Variants in FGF12 observed in about 807,000 individuals in gnomAD.
FGF12 encodes the protein fibroblast growth factor 12B.
A neutral mutation model predicts 23.6 loss-of-function variants in FGF12; 14 were observed. The ratio of observed to expected loss-of-function variants is 0.59; its 90% confidence interval spans 0.39 to 0.93. The LOEUF (loss-of-function observed/expected upper bound fraction) is 0.93, where lower values mean the gene tolerates loss of function less well. Among genes scored for constraint, FGF12 ranks in the 40% least tolerant of loss-of-function variants. The pLI is 0.00. For synonymous variants in FGF12, 62 were observed against 77.3 expected, an observed-to-expected ratio of 0.80 and a Z score of 1.04; for missense variants, 175 against 217.8, an observed-to-expected ratio of 0.80 and a Z score of 1.24.
chr3:192,726,908 A>G, intron 2 of FGF12: 1 of 525,794 alleles, frequency 1.9e-6, no homozygotes, highest in Non-Finnish European at 3.4e-6. Flanking sequence ...CTCCTCCTCC[A>G]TTTTGGGGGG....
chr3:192,634,479 A>C (rs191738428), intron 2 of FGF12, among the ~76,000 whole-genome samples: 182 of 152,344 alleles, frequency 1.2e-3, no homozygotes, highest in Non-Finnish European at 2.4e-4. Context: ...ACCATTTTAC[A>C]TAAAGGACTT....
intron 4 of FGF12, among the ~76,000 whole-genome samples, chr3:192,276,862 C>A (rs924755976): frequency 1.3e-5 from 2 of 152,162 alleles, no homozygotes; most frequent in East Asian, 1.9e-4. Context: ...GAAAGGAATA[C>A]GTACTCAGAA....
chr3:192,456,344 T>G (rs1486330255), intron 2 of FGF12, among the ~76,000 whole-genome samples: 1 of 152,238 alleles, frequency 6.6e-6, no homozygotes, highest in East Asian at 1.9e-4. Context: ...AGAGGTCATC[T>G]GAGACTTAGA....
chr3:192,324,490 C>T (rs1363428221), intron 4 of FGF12, among the ~76,000 whole-genome samples: 2 of 152,188 alleles, frequency 1.3e-5, no homozygotes, highest in East Asian at 1.9e-4. Flanking sequence ...ATATACACTG[C>T]CCTAGGGCTT....
intron 5 of FGF12, among the ~76,000 whole-genome samples, chr3:192,147,140 A>T (rs1307103182): frequency 6.6e-6 from 1 of 152,228 alleles, no homozygotes; most frequent in South Asian, 2.1e-4. Context: ...AACTAAAGTT[A>T]TTCTAGAAAC....
intron 2 of FGF12, among the ~76,000 whole-genome samples, chr3:192,712,252 C>A (rs922029372): frequency 2.6e-5 from 4 of 151,060 alleles, no homozygotes; most frequent in Non-Finnish European, 5.9e-5. Context: ...AGTAAGATTT[C>A]CAGAATACCA....
chr3:192,275,585 A>T (rs1405451929), intron 4 of FGF12, among the ~76,000 whole-genome samples: 1 of 152,202 alleles, frequency 6.6e-6, no homozygotes, highest in African/African-American at 2.4e-5. Flanking sequence ...GGTTTTGTGA[A>T]GGTGGTGTTT....
rs1560164606 is a variant in FGF12 at position 192,142,963 on chromosome 3, C to T, written c.*1046G>A. 1 of 151,998 alleles carries T rather than the reference C, an allele frequency of 6.6e-6. No individual in the cohort carries two copies. The highest frequency in any genetic ancestry group is 1.5e-5 in the Non-Finnish European group (1 of 67,944). 9.4% of individuals were successfully genotyped at this position (151,998 alleles called of 1,614,324 possible). On this transcript the variant is annotated 3_prime_UTR_variant, in exon 6 of 6. Coordinates refer to ENST00000445105, the MANE Select transcript of FGF12 (RefSeq NM_004113.6). ...CAAACGCAAATGCAATTTGCGTTGA[C>T]TAATTTCCTAGGACTTATTTCCTTA...
chr3:192,200,272 T>G (rs1238003415), intron 4 of FGF12, among the ~76,000 whole-genome samples: 1 of 151,692 alleles, frequency 6.6e-6, no homozygotes, highest in Non-Finnish European at 1.5e-5. Context: ...GAAGTTGCAG[T>G]GAGCCGAGAT....
At chr3:192,667,610 A>AC (rs1379158039) in intron 2 of FGF12, among the ~76,000 whole-genome samples, 1 of 40,734 alleles carries the variant, frequency 2.5e-5, no homozygotes, top group African/African-American at 1.2e-4. Flanking sequence ...GACTCCGTAA[A>AC]AAAAAAAAAA....
chr3:192,460,986 G>A (rs1449496242), intron 2 of FGF12, among the ~76,000 whole-genome samples: 2 of 151,940 alleles, frequency 1.3e-5, no homozygotes, highest in African/African-American at 2.4e-5. Flanking sequence ...ATGTGGTATG[G>A]CTCACAGTTT....
At chr3:192,403,695 T>G (rs1720851711) in intron 2 of FGF12, among the ~76,000 whole-genome samples, 1 of 152,122 alleles carries the variant, frequency 6.6e-6, no homozygotes, top group Admixed American at 6.5e-5. Context: ...AAATCTATTC[T>G]TGACCCATAT....
At chr3:192,188,793 G>C (rs960927820) in intron 4 of FGF12, among the ~76,000 whole-genome samples, 1 of 152,178 alleles carries the variant, frequency 6.6e-6, no homozygotes, top group African/African-American at 2.4e-5. Flanking sequence ...TCTGTTAGAA[G>C]ACAAAGCCAT....
intron 4 of FGF12, among the ~76,000 whole-genome samples, chr3:192,199,394 A>C (rs1717243107): frequency 6.6e-6 from 1 of 152,210 alleles, no homozygotes; most frequent in Non-Finnish European, 1.5e-5. Flanking sequence ...AACAGTTCAG[A>C]TCAGATGTCC....
chr3:192,145,373 A>G (rs555190698), intron 5 of FGF12, among the ~76,000 whole-genome samples: 107 of 152,354 alleles, frequency 7.0e-4, no homozygotes, highest in Non-Finnish European at 1.2e-3. Flanking sequence ...TTAGAATACA[A>G]GTGAGAGTCT....
At chr3:192,727,082 A>G in intron 2 of FGF12, 99 bp downstream of exon 2, 1 of 1,431,990 alleles carries the variant, frequency 7.0e-7, no homozygotes, top group Non-Finnish European at 9.6e-7. Context: ...TCGACCTAGT[A>G]TGATGCTCGC....
At chr3:192,319,828 G>A (rs1716439358) in intron 4 of FGF12, among the ~76,000 whole-genome samples, 1 of 151,422 alleles carries the variant, frequency 6.6e-6, no homozygotes, top group African/African-American at 2.4e-5. Flanking sequence ...GTAACCTCAA[G>A]ACAAAAATCA....
intron 2 of FGF12, among the ~76,000 whole-genome samples, chr3:192,647,309 A>G (rs1012388346): frequency 6.6e-6 from 1 of 152,060 alleles, no homozygotes; most frequent in African/African-American, 2.4e-5. Flanking sequence ...GTTCTATCTC[A>G]CATAAAATAT....
chr3:192,687,519 T>C (rs966963968), intron 2 of FGF12, among the ~76,000 whole-genome samples: 6 of 152,094 alleles, frequency 3.9e-5, no homozygotes, highest in African/African-American at 1.4e-4. Flanking sequence ...AAAGTCAGAA[T>C]TGGGTTGGCC....
Sources: gnomAD v4.1 joint callset for allele counts (sites outside exome capture counted in the v4.1 genomes callset) on GRCh38, gnomAD v4.1.1 for gene constraint, MANE v1.5 for transcripts, NCBI Gene and HGNC (gene_info 2026-07-23, HGNC 2026-07-21) for gene names.